SLC25A28: variants seen among roughly 807,000 people sequenced by gnomAD.
The protein encoded by SLC25A28 is solute carrier family 25 member 28.
SLC25A28 carries 10 observed loss-of-function variants against 31.9 expected under a neutral mutation model. That is an observed-to-expected ratio of 0.31 (90% CI 0.19 to 0.53). SLC25A28 has a LOEUF of 0.53. SLC25A28 is among the 20% of genes least tolerant of loss of function. SLC25A28 has a pLI of 0.95. For missense variants in SLC25A28, 256 were observed against 490.3 expected (o/e 0.52, Z 4.51); for synonymous variants, 208 against 203.6 (o/e 1.02, Z -0.19).
At chr10:99,632,696 CT>C in the SLC25A28 span, among the ~76,000 whole-genome samples, 1 of 152,160 alleles carries the variant, frequency 6.6e-6, no homozygotes, top group African/African-American at 2.4e-5. Context: ...CTTTCTACTT[CT>C]TTTTTTCAGG....
chr10:99,618,759 G>A, intron 1 of SLC25A28: 1 of 985,398 alleles, frequency 1.0e-6, no homozygotes, highest in African/African-American at 1.7e-5. Flanking sequence ...CATTCACAAA[G>A]CTTAATGAGC....
upstream of SLC25A28, chr10:99,620,519 CT>C: frequency 9.6e-7 from 1 of 1,037,552 alleles, no homozygotes; most frequent in Non-Finnish European, 1.2e-6. Context: ...AGACCCACCC[CT>C]TTCCTTACGT....
At chr10:99,642,758 G>A in the SLC25A28 span, among the ~76,000 whole-genome samples, 1 of 152,150 alleles carries the variant, frequency 6.6e-6, no homozygotes, top group South Asian at 2.1e-4. Context: ...CTAGTTTATT[G>A]AGAGTTTTTA....
chr10:99,634,205 A>T, the SLC25A28 span, among the ~76,000 whole-genome samples: 1 of 152,200 alleles, frequency 6.6e-6, no homozygotes, highest in African/African-American at 2.4e-5. Context: ...AAGGAACCAG[A>T]AAACCAAGTC....
the SLC25A28 span, among the ~76,000 whole-genome samples, chr10:99,629,820 A>G: frequency 6.6e-6 from 1 of 152,216 alleles, no homozygotes; most frequent in Non-Finnish European, 1.5e-5. Flanking sequence ...AGAACTAGGT[A>G]GATGTAGTGG....
At chr10:99,647,495 T>C in the SLC25A28 span, among the ~76,000 whole-genome samples, 2 of 152,240 alleles carry the variant, frequency 1.3e-5, no homozygotes. Context: ...CTTTGCCCAA[T>C]TTTTAATGGG....
the SLC25A28 span, among the ~76,000 whole-genome samples, chr10:99,648,944 T>C: frequency 6.6e-6 from 1 of 152,262 alleles, no homozygotes; most frequent in Non-Finnish European, 1.5e-5. Flanking sequence ...TTGGATGCCT[T>C]TTATTTTTTT....
At chr10:99,648,778 C>A in the SLC25A28 span, among the ~76,000 whole-genome samples, 13 of 147,750 alleles carry the variant, frequency 8.8e-5, no homozygotes, top group African/African-American at 3.2e-4. Context: ...AGAAACACTA[C>A]TGATTTCTGT....
chr10:99,638,687 G>A, the SLC25A28 span, among the ~76,000 whole-genome samples: 6 of 152,272 alleles, frequency 3.9e-5, no homozygotes, highest in Middle Eastern at 6.8e-3. Context: ...ATGAAAAAAT[G>A]CTCAACATCA....
At chr10:99,621,856 T>C (rs1032417744), upstream of SLC25A28, 1 of 152,282 alleles carries the variant, frequency 6.6e-6, no homozygotes, top group African/African-American at 2.4e-5. Context: ...CTTCAGCAGT[T>C]GTTATTAACC....
At chr10:99,629,523 A>G in the SLC25A28 span, among the ~76,000 whole-genome samples, 11 of 152,382 alleles carry the variant, frequency 7.2e-5, 2 homozygotes, top group Admixed American at 6.5e-4. Context: ...AAACAGTCCA[A>G]ATGTCCATCA....
At position 99,620,374 on chromosome 10, in the gene SLC25A28, T is replaced by TGCCACCACTGCCGCCGCC; in HGVS notation, c.-57_-40dup. On this transcript the variant is annotated 5_prime_UTR_variant, in exon 1 of 4. Coordinates refer to ENST00000370495, the MANE Select transcript of SLC25A28 (RefSeq NM_031212.4). The stretch of plus-strand genomic sequence containing the variant: ...CTGCGGCGCCCACCCCCGCCGCCGC[T>TGCCACCACTGCCGCCGCC]GCCACCACTGCCGCCGCCGCCCCCC... The TGCCACCACTGCCGCCGCC allele has an allele frequency of 2.1e-6, 2 of 964,976 alleles. No homozygotes were observed. Among genetic ancestry groups the TGCCACCACTGCCGCCGCC allele is most frequent in the East Asian group, 1.2e-4 (1 of 8,672 alleles). 59.8% of individuals were successfully genotyped at this position (964,976 alleles called of 1,614,324 possible). A position where few individuals can be genotyped will look rare whatever the true frequency, so the allele number is the denominator to read the frequency against.
the SLC25A28 span, among the ~76,000 whole-genome samples, chr10:99,657,385 G>A: frequency 6.6e-6 from 1 of 151,986 alleles, no homozygotes; most frequent in African/African-American, 2.4e-5. Context: ...AAAAATAACT[G>A]GTATCTGTAT....
chr10:99,636,984 C>T, the SLC25A28 span, among the ~76,000 whole-genome samples: 3 of 151,986 alleles, frequency 2.0e-5, no homozygotes, highest in Non-Finnish European at 4.4e-5. Context: ...AAGGATGTAA[C>T]CAAAAAAGAA....
At chr10:99,620,848 A>G (rs1407816224), upstream of SLC25A28, 8 of 985,420 alleles carry the variant, frequency 8.1e-6, no homozygotes, top group South Asian at 2.3e-4. Context: ...GCCCCTCACT[A>G]GCGCCTGCAG....
At position 99,611,466 on chromosome 10, in the gene SLC25A28, A is replaced by C; in HGVS notation, c.578-100T>G. Reference sequence around the variant, plus strand: ...CCCAAGTCAGCAGATCAGCCAATGGAATAGAGAGAGAAAAAAGTATGAGTG... The same window carrying C: ...CCCAAGTCAGCAGATCAGCCAATGGCATAGAGAGAGAAAAAAGTATGAGTG... On this transcript the variant is annotated intron_variant, in intron 3 of 3. Coordinates refer to ENST00000370495, the MANE Select transcript of SLC25A28 (RefSeq NM_031212.4). This position sits in a 1 kb window ranked among gnomAD's most constrained non-coding sequence, Gnocchi z 5.5. 7.0e-7 allele frequency: 1 copy of C among 1,435,912 alleles called. No homozygotes were observed. The highest frequency in any genetic ancestry group is 9.4e-7 in the Non-Finnish European group (1 of 1,062,064). 88.9% of individuals were successfully genotyped at this position (1,435,912 alleles called of 1,614,324 possible).
the SLC25A28 span, among the ~76,000 whole-genome samples, chr10:99,630,496 C>T: frequency 3.3e-5 from 5 of 152,152 alleles, no homozygotes; most frequent in Non-Finnish European, 7.3e-5. Context: ...GCATGAGAAT[C>T]TGCATTTTAT....
chr10:99,644,153 G>A, the SLC25A28 span, among the ~76,000 whole-genome samples: 5 of 152,284 alleles, frequency 3.3e-5, no homozygotes, highest in Admixed American at 2.6e-4. Context: ...TCTGTCTAAT[G>A]TTGACAGTGA....
chr10:99,617,613 A>AC (rs2034688676), intron 1 of SLC25A28: 5 of 985,336 alleles, frequency 5.1e-6, no homozygotes, highest in Non-Finnish European at 4.8e-6. Flanking sequence ...TGCCTGCACA[A>AC]AAGTGTTTAA....
Sources: gnomAD v4.1 joint callset for allele counts (sites outside exome capture counted in the v4.1 genomes callset) on GRCh38, gnomAD v4.1.1 for gene constraint, Gnocchi (gnomAD v3.1) non-coding constraint, MANE v1.5 for transcripts, NCBI Gene and HGNC (gene_info 2026-07-23, HGNC 2026-07-21) for gene names.